Variants in CEP78 observed in about 807,000 individuals in gnomAD.
CEP78 encodes the protein centrosomal protein 78.
CEP78 carries 76 observed loss-of-function variants against 81.2 expected under a neutral mutation model. That is an observed-to-expected ratio of 0.94 (90% CI 0.78 to 1.13). CEP78 has a LOEUF of 1.13. CEP78 is among the 50% of genes most tolerant of loss of function. CEP78 has a pLI of 0.00. For missense variants in CEP78, 918 were observed against 846.8 expected (o/e 1.08, Z -1.04); for synonymous variants, 293 against 301.4 (o/e 0.97, Z 0.29).
At chr9:78,238,236 T>G (rs1826056813) in intron 1 of CEP78, among the ~76,000 whole-genome samples, 1 of 152,090 alleles carries the variant, frequency 6.6e-6, no homozygotes, top group Admixed American at 6.6e-5. Flanking sequence ...TACAGCAGCG[T>G]CTGTAAGTGA....
intron 5 of CEP78, among the ~76,000 whole-genome samples, chr9:78,245,397 T>C (rs192477762): frequency 3.3e-5 from 5 of 152,092 alleles, no homozygotes; most frequent in Admixed American, 3.3e-4. Flanking sequence ...AGAACTCTAG[T>C]CTCTTTTTTT....
In CEP78 at chr9:78,246,798, AT is replaced by A; in HGVS notation, c.892+22del. The A allele has an allele frequency of 7.2e-7, 1 of 1,386,940 alleles. No individual in the cohort carries two copies. The highest frequency in any genetic ancestry group is 1.5e-5 in the African/African-American group (1 of 68,272). 85.9% of individuals were successfully genotyped at this position (1,386,940 alleles called of 1,614,324 possible). ...CCACTCATTGGTATGTCGCTACAATATTTTTTATTGACTAACAAATAGCAAA... is the reference window on the plus strand; with the variant it reads ...CCACTCATTGGTATGTCGCTACAATATTTTTATTGACTAACAAATAGCAAA... On this transcript the variant is annotated intron_variant, in intron 6 of 16. Coordinates refer to ENST00000643273, the MANE Select transcript of CEP78 (RefSeq NM_001330691.3).
chr9:78,267,802 G>A (rs1239855142), intron 16 of CEP78, among the ~76,000 whole-genome samples: 5 of 152,124 alleles, frequency 3.3e-5, no homozygotes, highest in Admixed American at 6.5e-5. Context: ...AATCTTTGGA[G>A]TAAATACCCC....
rs778344131 is a variant in CEP78, at chr9:78,240,080, T to C, written c.311T>C (p.Val104Ala). 1.3e-6 allele frequency: 2 copies of C among 1,585,742 alleles called. No individual in the cohort carries two copies. Among genetic ancestry groups the C allele is most frequent in the Non-Finnish European group, 1.7e-6 (2 of 1,173,544 alleles). The change falls in exon 2 of 17, where the codon GTG becomes GCG. Residue 104 changes from valine (V) to alanine (A), a missense_variant. By Grantham distance (64) the Val-to-Ala change is moderately conservative. Coordinates refer to ENST00000643273, the MANE Select transcript of CEP78 (RefSeq NM_001330691.3). ...SRVPAIRYKD[V>A]TFQLCKALKG... ...GTTCCTGCGATAAGATACAAAGATG[T>C]GACCTTCCAGTTGTGTAAAGCTCTT...
At chr9:78,236,748 C>T in intron 1 of CEP78, 145 bp downstream of exon 1, 4 of 1,064,946 alleles carry the variant, frequency 3.8e-6, no homozygotes, top group Non-Finnish European at 5.2e-6. Flanking sequence ...CTTAAGGTCT[C>T]TAGGGCTTCA....
intron 4 of CEP78, among the ~76,000 whole-genome samples, chr9:78,243,009 T>C (rs1297809093): frequency 6.6e-6 from 1 of 152,156 alleles, no homozygotes; most frequent in Non-Finnish European, 1.5e-5. Context: ...AAAATATGTA[T>C]ATAGAAATTC....
rs1457254489 is a variant in CEP78 at position 78,236,219 on chromosome 9, C to T, written c.-132C>T. ...TGCGTCTTCCGACCGAATCACCGCT[C>T]CTGAGCCCGGTGCGGGGCTGCCGCT... On this transcript the variant is annotated 5_prime_UTR_variant, in exon 1 of 17. Coordinates refer to ENST00000643273, the MANE Select transcript of CEP78 (RefSeq NM_001330691.3). 2 of 783,176 alleles carry T rather than the reference C, an allele frequency of 2.6e-6. No individual in the cohort carries two copies. Among genetic ancestry groups the T allele is most frequent in the Non-Finnish European group, 2.0e-6 (1 of 510,096 alleles). The allele number at this position is 783,176 out of a possible 1,614,324, so 48.5% of individuals were successfully genotyped here. A position where few individuals can be genotyped will look rare whatever the true frequency, so the allele number is the denominator to read the frequency against.
chr9:78,255,123 G>C (rs1312760277), intron 11 of CEP78, among the ~76,000 whole-genome samples, 159 bp downstream of exon 11: 3 of 152,066 alleles, frequency 2.0e-5, no homozygotes, highest in Non-Finnish European at 4.4e-5. Flanking sequence ...CTTAGAACAA[G>C]GTAAAAGGGA....
chr9:78,240,572 C>A (rs895095917), intron 3 of CEP78, among the ~76,000 whole-genome samples: 2 of 152,200 alleles, frequency 1.3e-5, no homozygotes, highest in Non-Finnish European at 2.9e-5. Flanking sequence ...AAACCACAGA[C>A]CACACAAATA....
At chr9:78,256,050 A>G (rs1287247288) in intron 11 of CEP78, among the ~76,000 whole-genome samples, 1 of 152,238 alleles carries the variant, frequency 6.6e-6, no homozygotes, top group African/African-American at 2.4e-5. Flanking sequence ...TTTCTAACAT[A>G]CGTAAGCCTA....
intron 1 of CEP78, 147 bp from the exon 2 acceptor site, chr9:78,239,876 A>T: frequency 1.6e-6 from 1 of 611,424 alleles, no homozygotes; most frequent in East Asian, 3.0e-5. Context: ...AGTTTGGTAT[A>T]TCCCATGTGG....
intron 16 of CEP78, among the ~76,000 whole-genome samples, chr9:78,268,050 G>T (rs1331818528): frequency 6.6e-6 from 1 of 152,008 alleles, no homozygotes; most frequent in Non-Finnish European, 1.5e-5. Flanking sequence ...AGATACACAA[G>T]CAGATGTCGT....
At chr9:78,258,593 C>T (rs1827141814) in intron 11 of CEP78, among the ~76,000 whole-genome samples, 1 of 151,976 alleles carries the variant, frequency 6.6e-6, no homozygotes, top group Non-Finnish European at 1.5e-5. Context: ...TAAGAATGAA[C>T]CAAACTCTTA....
In CEP78 at chr9:78,236,419, C is replaced by G. The variant is rs1280824795; in HGVS notation, c.69C>G (p.Cys23Trp). ...ADFFSHYEYL[C>W]ALQNSVPLPA... ...TCTTCTCCCACTACGAGTACCTGTG[C>G]GCGCTGCAGAACTCGGTGCCGCTGC... is the stretch of plus-strand genomic sequence containing the variant. The change falls in exon 1 of 17, where the codon TGC (cysteine) becomes TGG (tryptophan). Residue 23 changes from cysteine (C) to tryptophan (W), a missense_variant. Transcript: ENST00000643273. 6.2e-7 allele frequency: 1 copy of G among 1,600,216 alleles called. No individual in the cohort carries two copies. Among genetic ancestry groups the G allele is most frequent in the East Asian group, 2.3e-5 (1 of 44,258 alleles).
intron 6 of CEP78, among the ~76,000 whole-genome samples, chr9:78,247,262 G>T (rs1354973664): frequency 6.6e-6 from 1 of 152,224 alleles, no homozygotes; most frequent in Admixed American, 6.5e-5. Flanking sequence ...TAAGAAGACA[G>T]ATGGGGGCAG....
In CEP78 at chr9:78,236,273, C is replaced by T. The variant is rs1825922095; in HGVS notation, c.-78C>T. On this transcript the variant is annotated 5_prime_UTR_variant, in exon 1 of 17. Coordinates refer to ENST00000643273, the MANE Select transcript of CEP78 (RefSeq NM_001330691.3). ...GCCTGGCCGTGGGTGCCGGAGCGGC[C>T]GGGTTGCGACTCAGCGTTCTTGGGT... 1 of 1,325,426 alleles carries T rather than the reference C, an allele frequency of 7.5e-7. No individual in the cohort carries two copies. The highest frequency in any genetic ancestry group is 1.4e-5 in the South Asian group (1 of 73,812). The allele number at this position is 1,325,426 out of a possible 1,614,324, so 82.1% of individuals were successfully genotyped here.
rs1363359148 is a variant in CEP78, at chr9:78,262,943, G to T, written c.1417G>T (p.Glu473Ter). 2 of 1,546,716 alleles carry T rather than the reference G, an allele frequency of 1.3e-6. No homozygotes were observed. The highest frequency in any genetic ancestry group is 1.7e-6 in the Non-Finnish European group (2 of 1,144,126). ...GGAGTGCCTAAAGCAGTTAAAGGAA[G>T]AAAGAGTGATAAGGCTTAAGGTTGA... is the stretch of plus-strand genomic sequence containing the variant. ...LEECLKQLKEERVIRLKVDKR... is the reference protein window; with the variant it reads ...LEECLKQLKE Residue 473 changes from glutamate to a stop codon, truncating the protein, a stop_gained, in exon 12 of 17, where the codon GAA becomes TAA. Coordinates refer to ENST00000643273, the MANE Select transcript of CEP78 (RefSeq NM_001330691.3). LOFTEE classifies it high-confidence loss of function.
chr9:78,244,618 T>C (rs567168810), intron 5 of CEP78, among the ~76,000 whole-genome samples: 2 of 152,322 alleles, frequency 1.3e-5, no homozygotes, highest in African/African-American at 4.8e-5. Context: ...CTGCTTTTTC[T>C]TTTTTGATGC....
intron 11 of CEP78, among the ~76,000 whole-genome samples, chr9:78,257,596 A>C (rs1827097622): frequency 6.6e-6 from 1 of 152,068 alleles, no homozygotes; most frequent in Non-Finnish European, 1.5e-5. Flanking sequence ...TGTTAGAATG[A>C]GGGAGGGGGA....
Sources: allele counts gnomAD v4.1 joint callset (sites outside exome capture counted in the v4.1 genomes callset), GRCh38; gene constraint gnomAD v4.1.1; transcripts MANE v1.5; gene names NCBI Gene and HGNC (gene_info 2026-07-23, HGNC 2026-07-21).